The following ZNF184 variants were observed in gnomAD, a reference collection of about 807,000 sequenced individuals.
ZNF184 encodes zinc finger protein 184.
Under a neutral mutation model 54.4 loss-of-function variants are expected in ZNF184, and 16 were observed. That is an observed-to-expected ratio of 0.29 (90% CI 0.20 to 0.45). ZNF184 has a LOEUF of 0.45. Ranked by LOEUF, ZNF184 falls within the 20% of genes least tolerant of loss-of-function variation. The pLI is 1.00. For synonymous variants in ZNF184, 254 were observed against 295.3 expected (o/e 0.86, Z 1.43); for missense variants, 681 against 888.2 (o/e 0.77, Z 2.97).
the ZNF184 span, among the ~76,000 whole-genome samples, chr6:27,430,693 T>A: frequency 6.6e-6 from 1 of 152,236 alleles, no homozygotes; most frequent in African/African-American, 2.4e-5. Context: ...TTCAGACTTC[T>A]GGATTCCAGA....
rs190975859 is a variant in ZNF184, at chr6:27,458,915, A to G, written c.76-1506T>C. 2.2e-3 allele frequency among the ~76,000 whole-genome samples: 329 copies of G among 152,308 alleles called. 1 individual carries two copies. The highest frequency in any genetic ancestry group is 7.6e-3 in the African/African-American group (315 of 41,572). ...TTCAGCCATTTTAAAAAAGAATAAA[A>G]TCTTGTCATTAGTGGTAACATGGAT... On this transcript the variant is annotated intron_variant, in intron 3 of 5. Transcript: ENST00000683788.
downstream of ZNF184, among the ~76,000 whole-genome samples, chr6:27,447,528 C>T (rs1762651706): frequency 6.6e-6 from 1 of 152,016 alleles, no homozygotes; most frequent in Non-Finnish European, 1.5e-5. Flanking sequence ...GCCTGGCCAA[C>T]ATGGTGAAAC....
At chr6:27,418,010 A>G in the ZNF184 span, among the ~76,000 whole-genome samples, 2 of 152,150 alleles carry the variant, frequency 1.3e-5, no homozygotes, top group Non-Finnish European at 2.9e-5. Context: ...GAAACTGGGT[A>G]TTTTTCAGGG....
intron 3 of ZNF184, among the ~76,000 whole-genome samples, chr6:27,464,076 A>C (rs10946921): frequency 0.65 from 99,010 of 151,906 alleles, 32,573 homozygotes; most frequent in Middle Eastern, 0.76. Context: ...TGCTAATAGC[A>C]CTCCCTACCA....
the ZNF184 span, among the ~76,000 whole-genome samples, chr6:27,442,870 GAAAGAAAGAA>G: frequency 0.13 from 4,144 of 30,716 alleles, 496 homozygotes; most frequent in Middle Eastern, 0.27. Context: ...AAGAAAGAAA[GAAAGAAAGAA>G]AAAGAAAAAA....
At chr6:27,465,266 C>T (rs1481204159) in intron 3 of ZNF184, among the ~76,000 whole-genome samples, 3 of 150,750 alleles carry the variant, frequency 2.0e-5, no homozygotes, top group Non-Finnish European at 4.4e-5. Context: ...GGGCGGATCA[C>T]GAAGTCAGGA....
chr6:27,411,957 G>A, the ZNF184 span, among the ~76,000 whole-genome samples: 1 of 151,896 alleles, frequency 6.6e-6, no homozygotes, highest in East Asian at 1.9e-4. Flanking sequence ...ATACTGCGGG[G>A]TGGATGAGGA....
At chr6:27,444,042 A>G in the ZNF184 span, among the ~76,000 whole-genome samples, 3 of 152,148 alleles carry the variant, frequency 2.0e-5, no homozygotes, top group African/African-American at 7.2e-5. Context: ...ATCTGAAAGG[A>G]GATACCCTTT....
rs369013649 is a variant in ZNF184, at chr6:27,451,480, A to C, written c.2079T>G (p.Thr693=). The part of the protein sequence containing the change: ...THLTEHQNTH[T]GEKPYNCNEC... ...CATTACAGTTATAAGGTTTCTCTCCAGTATGAGTATTCTGATGTTCAGTCA... is the reference window on the plus strand; with the variant it reads ...CATTACAGTTATAAGGTTTCTCTCCCGTATGAGTATTCTGATGTTCAGTCA... Residue 693 remains threonine, a synonymous_variant, in exon 6 of 6, where the codon ACT becomes ACG. Transcript: ENST00000683788. 6.2e-7 allele frequency: 1 copy of C among 1,614,174 alleles called. No homozygotes were observed. Among genetic ancestry groups the C allele is most frequent in the Non-Finnish European group, 8.5e-7 (1 of 1,180,000 alleles).
chr6:27,408,138 T>C, the ZNF184 span: 1 of 665,950 alleles, frequency 1.5e-6, no homozygotes, highest in African/African-American at 1.8e-5. Context: ...TACACTGGGG[T>C]GAGAAGGGAT....
chr6:27,424,099 T>C, the ZNF184 span, among the ~76,000 whole-genome samples: 1 of 152,188 alleles, frequency 6.6e-6, no homozygotes, highest in Non-Finnish European at 1.5e-5. Flanking sequence ...TTTAGATGTG[T>C]TCAGTTTCTT....
At chr6:27,435,548 TAG>T in the ZNF184 span, among the ~76,000 whole-genome samples, 6 of 152,344 alleles carry the variant, frequency 3.9e-5, no homozygotes, top group Admixed American at 2.6e-4. Context: ...GTGGAATCTT[TAG>T]AGTTTTCTGC....
At chr6:27,456,756 C>T in intron 5 of ZNF184, 70 bp downstream of exon 5, 3 of 1,321,790 alleles carry the variant, frequency 2.3e-6, no homozygotes, top group Non-Finnish European at 2.2e-6. Context: ...ACACTTCAGA[C>T]ATAAAATCCT....
At chr6:27,431,901 AC>A in the ZNF184 span, among the ~76,000 whole-genome samples, 1 of 152,214 alleles carries the variant, frequency 6.6e-6, no homozygotes. Flanking sequence ...CTCCACACAC[AC>A]TAAAGGAGTA....
rs1763303196 is a variant in ZNF184 at position 27,472,511 on chromosome 6, C to T, written c.-139-78G>A. ...AGTCTTGCAAAGTGACCAAGAGGTGCTACACAAGAGAAGTGCCCCAAGAGA... is the reference window on the plus strand; with the variant it reads ...AGTCTTGCAAAGTGACCAAGAGGTGTTACACAAGAGAAGTGCCCCAAGAGA... On this transcript the variant is annotated intron_variant, in intron 1 of 5. Transcript: ENST00000683788. The surrounding 1 kb of genome is among the most constrained non-coding windows in gnomAD (Gnocchi z 4.8). 1 of 582,166 alleles carries T rather than the reference C, an allele frequency of 1.7e-6. No homozygotes were observed. Among genetic ancestry groups the T allele is most frequent in the Non-Finnish European group, 3.1e-6 (1 of 324,216 alleles). 36.1% of individuals were successfully genotyped at this position (582,166 alleles called of 1,614,324 possible). A position where few individuals can be genotyped will look rare whatever the true frequency, so the allele number is the denominator to read the frequency against.
At position 27,451,196 on chromosome 6, in the gene ZNF184, TAA is replaced by T. The variant is rs1034309384; in HGVS notation, c.*105_*106del. 1 of 1,344,280 alleles carries T rather than the reference TAA, an allele frequency of 7.4e-7. No homozygotes were observed. The highest frequency in any genetic ancestry group is 1.0e-6 in the Non-Finnish European group (1 of 994,570). The allele number at this position is 1,344,280 out of a possible 1,614,324, so 83.3% of individuals were successfully genotyped here. On this transcript the variant is annotated 3_prime_UTR_variant, in exon 6 of 6. Transcript: ENST00000683788. The stretch of plus-strand genomic sequence containing the variant: ...ATTCCATAACATGATAGTGAAAATT[TAA>T]AAGATTTCAAGGCAGTTTCTAAATC...
the ZNF184 span, among the ~76,000 whole-genome samples, chr6:27,429,698 C>T: frequency 2.9e-3 from 449 of 152,260 alleles, 5 homozygotes; most frequent in African/African-American, 0.01. Context: ...CTTTTTGCCC[C>T]TCCATGTGCA....
At chr6:27,454,435 G>A (rs775564689) in intron 5 of ZNF184, among the ~76,000 whole-genome samples, 7 of 152,174 alleles carry the variant, frequency 4.6e-5, no homozygotes, top group African/African-American at 9.7e-5. Flanking sequence ...ACAATACAGG[G>A]TTTGGAAACA....
the ZNF184 span, among the ~76,000 whole-genome samples, chr6:27,423,521 C>T: frequency 6.6e-6 from 1 of 151,954 alleles, no homozygotes; most frequent in Non-Finnish European, 1.5e-5. Flanking sequence ...ATAATTCAGC[C>T]CATCAAAGGC....
Sources: gnomAD v4.1 joint callset for allele counts (sites outside exome capture counted in the v4.1 genomes callset) on GRCh38, gnomAD v4.1.1 for gene constraint, Gnocchi (gnomAD v3.1) non-coding constraint, MANE v1.5 for transcripts, NCBI Gene and HGNC (gene_info 2026-07-23, HGNC 2026-07-21) for gene names.